NBEAL2: variants seen among roughly 807,000 people sequenced by gnomAD.
NBEAL2 encodes neurobeachin like 2.
Under a neutral mutation model 299.8 loss-of-function variants are expected in NBEAL2, and 160 were observed. The observed-to-expected ratio is 0.53, with a 90% confidence interval of 0.47 to 0.61. NBEAL2 has a LOEUF of 0.61. NBEAL2 is among the 20% of genes least tolerant of loss of function. The probability of loss-of-function intolerance (pLI) is 0.00; values close to 1 mark genes in which losing one functional copy is unlikely to be tolerated. For synonymous variants in NBEAL2, 1,493 were observed against 1,542.3 expected (o/e 0.97, Z 0.75); for missense variants, 3,112 against 3,649.0 (o/e 0.85, Z 3.79).
chr3:47,004,303 C>T lies in NBEAL2; in HGVS notation c.6108C>T (p.Tyr2036=). The part of the protein sequence containing the change: ...PPHTQVRNQV[Y]SWLLRLRPPS... ...ATACCCAGGTACGGAACCAGGTGTA[C>T]TCGTGGCTCCTGCGCCTACGGCCCC... is the stretch of plus-strand genomic sequence containing the variant. Residue 2036 remains tyrosine, a synonymous_variant, in exon 37 of 54, where the codon TAC becomes TAT. Coordinates refer to ENST00000450053, the MANE Select transcript of NBEAL2 (RefSeq NM_015175.3). This position sits in a 1 kb window ranked among gnomAD's most constrained non-coding sequence, Gnocchi z 5.0. 1.9e-6 allele frequency: 3 copies of T among 1,612,958 alleles called. No homozygotes were observed. The highest frequency in any genetic ancestry group is 1.3e-5 in the African/African-American group (1 of 75,002).
chr3:47,005,884 G>C (rs201581329), intron 42 of NBEAL2, 37 bp downstream of exon 42: 15 of 1,612,430 alleles, frequency 9.3e-6, no homozygotes, highest in Non-Finnish European at 9.3e-6. Flanking sequence ...CAGGCAGCCG[G>C]GGTTCTGAAG....
Position 46,996,265 on chromosome 3 carries a change from C to T in NBEAL2, c.2152-6C>T. ...CCTGACCGCTCCCCCAACCCCGGCC[C>T]CACAGCCTTTCTCCTCCTGCTGTAT... On this transcript the variant is annotated splice_region_variant and splice_polypyrimidine_tract_variant and intron_variant, in intron 15 of 53. Transcript: ENST00000450053. The T allele has an allele frequency of 6.2e-7, 1 of 1,605,156 alleles. No individual in the cohort carries two copies. Among genetic ancestry groups the T allele is most frequent in the Non-Finnish European group, 8.5e-7 (1 of 1,179,756 alleles).
intron 52 of NBEAL2, 113 bp downstream of exon 52, chr3:47,008,781 T>A: frequency 1.3e-6 from 2 of 1,507,606 alleles, no homozygotes; most frequent in Non-Finnish European, 1.8e-6. Flanking sequence ...ATTTCAAGGT[T>A]TGTTACCTGT....
intron 16 of NBEAL2, 43 bp from the exon 17 acceptor site, chr3:46,996,708 C>T: frequency 3.8e-6 from 6 of 1,592,738 alleles, no homozygotes; most frequent in Non-Finnish European, 5.1e-6. Context: ...TGGGGTTTGG[C>T]CAGAGGCCTA....
chr3:46,994,599 T>C, intron 12 of NBEAL2, 46 bp downstream of exon 12: 1 of 1,485,546 alleles, frequency 6.7e-7, no homozygotes, highest in Non-Finnish European at 9.2e-7. Flanking sequence ...CAACCAGAAC[T>C]GAGTCAGGGT....
Position 46,982,551 on chromosome 3 carries a change from T to G in NBEAL2, c.51+2639T>G, listed in dbSNP as rs1332877093. On this transcript the variant is annotated intron_variant, in intron 1 of 53. Transcript: ENST00000450053. The surrounding 1 kb of genome is among the most constrained non-coding windows in gnomAD (Gnocchi z 4.2). ...CAGAGCATCCCAGGACTTCACTCAG[T>G]TGGAGCTCCTTAGGGCCCTGGTGGG... is the stretch of plus-strand genomic sequence containing the variant. Among the ~76,000 whole-genome samples the G allele has an allele frequency of 6.6e-6, 1 of 152,094 alleles. No homozygotes were observed. The highest frequency in any genetic ancestry group is 1.5e-5 in the Non-Finnish European group (1 of 68,012).
rs372831354 is a variant in NBEAL2, at chr3:46,989,294, C to T, written c.386C>T (p.Thr129Met). 7.0e-5 allele frequency: 112 copies of T among 1,608,524 alleles called. No homozygotes were observed. The highest frequency in any genetic ancestry group is 1.2e-4 in the South Asian group (11 of 90,118). The change falls in exon 5 of 54, where the codon ACG (threonine) becomes ATG (methionine). Residue 129 changes from threonine (T) to methionine (M), a missense_variant. Around this residue, in one of 3 missense-constraint regions of NBEAL2, gnomAD observed 2,243 missense variants for 2,538.1 expected, o/e 0.88. Coordinates refer to ENST00000450053, the MANE Select transcript of NBEAL2 (RefSeq NM_015175.3). This position sits in a 1 kb window ranked among gnomAD's most constrained non-coding sequence, Gnocchi z 5.5. The stretch of plus-strand genomic sequence containing the variant: ...TGCCCACCACCCCAGGGCCGAGGCA[C>T]GCAGTTGGAGAATGTGGCCCTACAT... ...KGCPPPQGRG[T>M]QLENVALHAL... is the part of the protein sequence containing the mutation.
chr3:46,985,592 G>A (rs1366561053), intron 1 of NBEAL2, among the ~76,000 whole-genome samples: 1 of 152,202 alleles, frequency 6.6e-6, no homozygotes, highest in Non-Finnish European at 1.5e-5. Context: ...GGCATAAGTT[G>A]GGGTCTCTGT....
Position 47,007,856 on chromosome 3 carries a change from C to T in NBEAL2, c.7548C>T (p.Tyr2516=). The T allele has an allele frequency of 6.2e-7, 1 of 1,613,674 alleles. No individual in the cohort carries two copies. The highest frequency in any genetic ancestry group is 8.5e-7 in the Non-Finnish European group (1 of 1,179,796). Reference sequence around the variant, plus strand: ...TTGCACTGGACACCTGTGGCATCTACCTCATCTCAGGCTCCCGGGACACCA... The same window carrying T: ...TTGCACTGGACACCTGTGGCATCTATCTCATCTCAGGCTCCCGGGACACCA... ...TCLALDTCGI[Y]LISGSRDTTC... is the part of the protein sequence containing the mutation. The change falls in exon 49 of 54, where the codon TAC becomes TAT. Residue 2516 remains tyrosine (Y), a synonymous_variant. Coordinates refer to ENST00000450053, the MANE Select transcript of NBEAL2 (RefSeq NM_015175.3).
intron 10 of NBEAL2, among the ~76,000 whole-genome samples, 185 bp downstream of exon 10, chr3:46,992,740 T>TA (rs1490231858): frequency 6.6e-6 from 1 of 152,128 alleles, no homozygotes; most frequent in Non-Finnish European, 1.5e-5. Flanking sequence ...GGACAGAAGG[T>TA]GGTCTATCCC....
rs368446142 is a variant in NBEAL2 at position 47,003,348 on chromosome 3, G to T, written c.5720+39G>T. The T allele has an allele frequency of 6.3e-7, 1 of 1,598,028 alleles. No individual in the cohort carries two copies. Among genetic ancestry groups the T allele is most frequent in the African/African-American group, 1.3e-5 (1 of 74,442 alleles). On this transcript the variant is annotated intron_variant, in intron 35 of 53. Coordinates refer to ENST00000450053, the MANE Select transcript of NBEAL2 (RefSeq NM_015175.3). The surrounding 1 kb of genome is among the most constrained non-coding windows in gnomAD (Gnocchi z 7.0). ...TGGAGAGATTGGACTGGTGTGGTGGGCAAGGGGTCTGCTCCAGTGTGTGCA... is the reference window on the plus strand; with the variant it reads ...TGGAGAGATTGGACTGGTGTGGTGGTCAAGGGGTCTGCTCCAGTGTGTGCA...
In NBEAL2 at chr3:47,007,514, C is replaced by G. The variant is rs761818962; in HGVS notation, c.7335-11C>G. On this transcript the variant is annotated splice_polypyrimidine_tract_variant and intron_variant, in intron 47 of 53. Coordinates refer to ENST00000450053, the MANE Select transcript of NBEAL2 (RefSeq NM_015175.3). The stretch of plus-strand genomic sequence containing the variant: ...GCCTGGCCTCACTTGCTATCCCCCT[C>G]ACTGGGTCAGGACGCAGCGACTGCT... The G allele has an allele frequency of 1.2e-6, 2 of 1,605,864 alleles. No homozygotes were observed. The highest frequency in any genetic ancestry group is 1.3e-5 in the African/African-American group (1 of 74,808).
Position 46,986,913 on chromosome 3 carries a change from G to A in NBEAL2, c.52-1756G>A, listed in dbSNP as rs1007386381. On this transcript the variant is annotated intron_variant, in intron 1 of 53. Transcript: ENST00000450053. The stretch of plus-strand genomic sequence containing the variant: ...GGCCACCTCTGCTGTCTCAGGATCT[G>A]GGTATTTTGGGCTCCTTGCTGATTG... Among the ~76,000 whole-genome samples the A allele has an allele frequency of 2.0e-5, 3 of 151,988 alleles. No individual in the cohort carries two copies. In the South Asian group the frequency reaches 6.2e-4, roughly 32 times the overall value.
At position 47,007,790 on chromosome 3, in the gene NBEAL2, G is replaced by C. The variant is rs923016187; in HGVS notation, c.7508-26G>C. On this transcript the variant is annotated intron_variant, in intron 48 of 53. Coordinates refer to ENST00000450053, the MANE Select transcript of NBEAL2 (RefSeq NM_015175.3). Reference sequence around the variant, plus strand: ...AGGGCGGATGTGACTCCTCCGTTCTGCCTGTACCCTCCCCTTCCCATGCAG... The same window carrying C: ...AGGGCGGATGTGACTCCTCCGTTCTCCCTGTACCCTCCCCTTCCCATGCAG... 6 of 1,610,690 alleles carry C rather than the reference G, an allele frequency of 3.7e-6. No homozygotes were observed. The African/African-American group carries it at 5.3e-5, about 14-fold the overall frequency.
In NBEAL2 at chr3:46,998,991, G is replaced by A. The variant is rs201532462; in HGVS notation, c.3417G>A (p.Leu1139=). The A allele has an allele frequency of 1.1e-5, 17 of 1,607,566 alleles. No individual in the cohort carries two copies. The East Asian group carries it at 1.8e-4, about 17-fold the overall frequency. The change falls in exon 24 of 54, where the codon CTG becomes CTA. Residue 1139 remains leucine (L), a synonymous_variant. Transcript: ENST00000450053. Reference sequence around the variant, plus strand: ...GTGCGCTGGACCTGCTGCTGGCCCTGCTGCACGGTTCCCTGGTGCAGGAGT... The same window carrying A: ...GTGCGCTGGACCTGCTGCTGGCCCTACTGCACGGTTCCCTGGTGCAGGAGT... ...AVGALDLLLA[L]LHGSLVQESL...
rs767420623 is a variant in NBEAL2 at position 47,005,499 on chromosome 3, TCCG to T, written c.6572_6574del (p.Ser2191_Asp2192delinsTyr). Reference sequence around the variant, plus strand: ...GTGCCCCTCCCCCAGCTTTGACTGCTCCGACCGGCAGTTCCACTCGGTGGCGGC... The same window carrying T: ...GTGCCCCTCCCCCAGCTTTGACTGCTACCGGCAGTTCCACTCGGTGGCGGC... On this transcript the variant is annotated inframe_deletion, in exon 41 of 54. Transcript: ENST00000450053. The T allele has an allele frequency of 6.2e-7, 1 of 1,611,484 alleles. No homozygotes were observed. Among genetic ancestry groups the T allele is most frequent in the Non-Finnish European group, 8.5e-7 (1 of 1,179,026 alleles).
rs1452184707 is a variant in NBEAL2 at position 47,008,990 on chromosome 3, C to T, written c.8029C>T (p.Leu2677=). ...CALHILQLNT[L]LPAAPPLPMK... is the part of the protein sequence containing the mutation. ...GTGTATATCCCCTCTCCCTTCCAGACTGCTCCCGGCCGCGCCTCCCTTGCC... is the reference window on the plus strand; with the variant it reads ...GTGTATATCCCCTCTCCCTTCCAGATTGCTCCCGGCCGCGCCTCCCTTGCC... The change falls in exon 53 of 54, where the codon CTG becomes TTG. Residue 2677 remains leucine (L), a splice_region_variant and synonymous_variant. Transcript: ENST00000450053. 4.4e-6 allele frequency: 7 copies of T among 1,599,032 alleles called. No individual in the cohort carries two copies. The African/African-American group carries it at 8.0e-5, about 18-fold the overall frequency.
chr3:46,996,270 G>T lies in NBEAL2; in HGVS notation c.2152-1G>T. 6.2e-7 allele frequency: 1 copy of T among 1,605,670 alleles called. No individual in the cohort carries two copies. On this transcript the variant is annotated splice_acceptor_variant, in intron 15 of 53. Coordinates refer to ENST00000450053, the MANE Select transcript of NBEAL2 (RefSeq NM_015175.3). LOFTEE classifies it high-confidence loss of function. ...CCGCTCCCCCAACCCCGGCCCCACA[G>T]CCTTTCTCCTCCTGCTGTATCGGCT...
rs1336133992 is a variant in NBEAL2, at chr3:46,989,951, C to G, written c.556+358C>G. Among the ~76,000 whole-genome samples the G allele has an allele frequency of 2.6e-5, 4 of 152,118 alleles. No homozygotes were observed. Among genetic ancestry groups the G allele is most frequent in the Non-Finnish European group, 5.9e-5 (4 of 68,016 alleles). On this transcript the variant is annotated intron_variant, in intron 6 of 53. Transcript: ENST00000450053. The surrounding 1 kb of genome is among the most constrained non-coding windows in gnomAD (Gnocchi z 5.5). ...CGCATCTCCACCCATCCCGGAGACA[C>G]AGGAGGTATCTCCACCTCCTGTTCC...
Sources: gnomAD v4.1 joint callset for allele counts (sites outside exome capture counted in the v4.1 genomes callset) on GRCh38, gnomAD v4.1.1 for gene constraint, gnomAD v4.1.1 regional missense constraint, Gnocchi (gnomAD v3.1) non-coding constraint, MANE v1.5 for transcripts, NCBI Gene and HGNC (gene_info 2026-07-23, HGNC 2026-07-21) for gene names.